Variants in DSG3 observed in about 807,000 individuals in gnomAD.
DSG3 encodes desmoglein-3.
A neutral mutation model predicts 85.9 loss-of-function variants in DSG3; 63 were observed. That is an observed-to-expected ratio of 0.73 (90% CI 0.60 to 0.90). DSG3 has a LOEUF of 0.90. Ranked by LOEUF, DSG3 falls within the 40% of genes least tolerant of loss-of-function variation. DSG3 has a pLI of 0.00. For synonymous variants in DSG3, 447 were observed against 441.9 expected, an observed-to-expected ratio of 1.01 and a Z score of -0.14; for missense variants, 1,220 against 1,219.9, an observed-to-expected ratio of 1.00 and a Z score of 0.00.
chr18:31,458,648 T>A, intron 4 of DSG3, 48 bp downstream of exon 4: 3 of 1,571,438 alleles, frequency 1.9e-6, no homozygotes, highest in Non-Finnish European at 2.6e-6. Flanking sequence ...TTGTATACCA[T>A]CGCTTTAGAA....
At position 31,474,332 on chromosome 18, in the gene DSG3, C is replaced by T; in HGVS notation, c.2313C>T (p.Ser771=). 1 of 1,614,088 alleles carries T rather than the reference C, an allele frequency of 6.2e-7. No homozygotes were observed. The highest frequency in any genetic ancestry group is 8.5e-7 in the Non-Finnish European group (1 of 1,180,042). Residue 771 remains serine (S), a synonymous_variant, in exon 15 of 16, where the codon TCC becomes TCT. Coordinates refer to ENST00000257189, the MANE Select transcript of DSG3 (RefSeq NM_001944.3). ...CTGGAACCATGAGAACAAGGCATTC[C>T]ACTGGAGGAACCAATAAGGACTACG... ...GQSGTMRTRH[S]TGGTNKDYAD...
chr18:31,478,593 A>G lies in DSG3; in HGVS notation c.*2333A>G, dbSNP rs1345336190. 1 of 152,244 alleles carries G rather than the reference A, an allele frequency of 6.6e-6. No individual in the cohort carries two copies. Among genetic ancestry groups the G allele is most frequent in the Non-Finnish European group, 1.5e-5 (1 of 68,040 alleles). 9.4% of individuals were successfully genotyped at this position (152,244 alleles called of 1,614,324 possible). On this transcript the variant is annotated 3_prime_UTR_variant, in exon 16 of 16. Coordinates refer to ENST00000257189, the MANE Select transcript of DSG3 (RefSeq NM_001944.3). ...AAACTTGTTTTAAGCATAAAATTTT[A>G]AAACTGTACTACTTGATGTATTATA...
chr18:31,454,614 C>T (rs1315390134), intron 1 of DSG3, among the ~76,000 whole-genome samples: 1 of 151,326 alleles, frequency 6.6e-6, no homozygotes, highest in Non-Finnish European at 1.5e-5. Context: ...CAACCATAGT[C>T]TTTTGCCAAA....
rs1199260043 is a variant in DSG3 at position 31,456,755 on chromosome 18, A to G, written c.85-238A>G. Among the ~76,000 whole-genome samples, 3 of 152,210 alleles carry G rather than the reference A, an allele frequency of 2.0e-5. No homozygotes were observed. In the East Asian group the frequency reaches 5.8e-4, roughly 29 times the overall value. ...CCCAGTAAGATACTGTGGAGTATAA[A>G]AAGAAAATATAAAATACGACTAAAT... On this transcript the variant is annotated intron_variant, in intron 2 of 15. Coordinates refer to ENST00000257189, the MANE Select transcript of DSG3 (RefSeq NM_001944.3).
At chr18:31,466,077 T>C (rs1278995106) in intron 10 of DSG3, among the ~76,000 whole-genome samples, 1 of 152,216 alleles carries the variant, frequency 6.6e-6, no homozygotes, top group East Asian at 1.9e-4. Flanking sequence ...TTATTTTTTA[T>C]TTTCAGCATT....
chr18:31,454,254 C>T (rs183832720), intron 1 of DSG3, among the ~76,000 whole-genome samples: 200 of 152,292 alleles, frequency 1.3e-3, no homozygotes, highest in Non-Finnish European at 2.1e-3. Flanking sequence ...GGGGAGCCTG[C>T]CTGGCCCATC....
chr18:31,452,588 A>G (rs989580056), intron 1 of DSG3, among the ~76,000 whole-genome samples: 3 of 150,646 alleles, frequency 2.0e-5, no homozygotes, highest in African/African-American at 7.3e-5. Flanking sequence ...AGAATTGGTT[A>G]ACATTTTATT....
intron 12 of DSG3, among the ~76,000 whole-genome samples, chr18:31,469,820 T>A (rs1307431281): frequency 1.3e-5 from 2 of 152,062 alleles, no homozygotes; most frequent in Non-Finnish European, 2.9e-5. Flanking sequence ...TTAATATTAA[T>A]TAATTAATTA....
At chr18:31,448,376 C>T (rs751213234) in intron 1 of DSG3, among the ~76,000 whole-genome samples, 8 of 152,070 alleles carry the variant, frequency 5.3e-5, no homozygotes, top group Non-Finnish European at 1.0e-4. Flanking sequence ...AGTAAAAAAT[C>T]GCAGAATTAA....
At chr18:31,456,555 ATATT>A (rs140490580) in intron 2 of DSG3, 80 bp downstream of exon 2, 10,476 of 719,578 alleles carry the variant, frequency 0.015, 129 homozygotes, top group Middle Eastern at 0.032. Flanking sequence ...GTAGAAATGA[ATATT>A]TAATTTCTAA....
chr18:31,473,987 T>C lies in DSG3; in HGVS notation c.2102-134T>C, dbSNP rs1325501169. ...TAACACATTGTGGGATGTTATCACCTCTAGTCATATAATTGTATTTTCTCC... is the reference window on the plus strand; with the variant it reads ...TAACACATTGTGGGATGTTATCACCCCTAGTCATATAATTGTATTTTCTCC... On this transcript the variant is annotated intron_variant, in intron 14 of 15. Coordinates refer to ENST00000257189, the MANE Select transcript of DSG3 (RefSeq NM_001944.3). 16 of 801,620 alleles carry C rather than the reference T, an allele frequency of 2.0e-5. No individual in the cohort carries two copies. The East Asian group carries it at 4.3e-4, about 21-fold the overall frequency. 49.7% of individuals were successfully genotyped at this position (801,620 alleles called of 1,614,324 possible).
intron 3 of DSG3, among the ~76,000 whole-genome samples, chr18:31,457,547 CTCTTTCTTTCTTTCTT>C (rs757274745): frequency 4.1e-5 from 5 of 122,644 alleles, no homozygotes; most frequent in South Asian, 2.8e-4. Context: ...TTCTTTCTTT[CTCTTTCTTTCTTTCTT>C]TCTTTCTTTC....
chr18:31,470,232 A>G (rs1402348325), intron 12 of DSG3, among the ~76,000 whole-genome samples: 1 of 152,150 alleles, frequency 6.6e-6, no homozygotes, highest in Non-Finnish European at 1.5e-5. Flanking sequence ...ACAGTTTTAG[A>G]GTTAAAATTA....
rs1003934662 is a variant in DSG3 at position 31,474,276 on chromosome 18, A to G, written c.2257A>G (p.Thr753Ala). Residue 753 changes from threonine (T) to alanine (A), a missense_variant, in exon 15 of 16, where the codon ACT (threonine) becomes GCT (alanine). Physicochemically the swap from Thr to Ala is moderately conservative, Grantham distance 58 (BLOSUM62 0). Coordinates refer to ENST00000257189, the MANE Select transcript of DSG3 (RefSeq NM_001944.3). ...SGAASGFGAA[T>A]GVGICSSGQS... ...AGCTGCTTCAGGATTCGGAGCAGCC[A>G]CTGGAGTTGGCATCTGTTCCTCAGG... is the stretch of plus-strand genomic sequence containing the variant. 1.2e-6 allele frequency: 2 copies of G among 1,614,192 alleles called. No homozygotes were observed. Among genetic ancestry groups the G allele is most frequent in the Non-Finnish European group, 1.7e-6 (2 of 1,180,036 alleles).
At chr18:31,457,596 CTTTCT>C (rs2072755950) in intron 3 of DSG3, among the ~76,000 whole-genome samples, 18 of 72,158 alleles carry the variant, frequency 2.5e-4, no homozygotes, top group African/African-American at 8.4e-4. Flanking sequence ...TTCTTTCTTT[CTTTCT>C]TTCTTTCTTT....
chr18:31,460,779 C>A, intron 6 of DSG3, 54 bp from the exon 7 acceptor site: 2 of 1,452,974 alleles, frequency 1.4e-6, no homozygotes, highest in Non-Finnish European at 1.8e-6. Context: ...AAGTAGTTTC[C>A]ATTTATAATT....
rs35777565 is a variant in DSG3, at chr18:31,469,409, A to G, written c.1897+60A>G. The G allele has an allele frequency of 0.11, 176,095 of 1,594,238 alleles. 10,048 individuals carry two copies. The highest frequency in any genetic ancestry group is 0.11 in the Non-Finnish European group (134,628 of 1,170,730). On this transcript the variant is annotated intron_variant, in intron 12 of 15. Coordinates refer to ENST00000257189, the MANE Select transcript of DSG3 (RefSeq NM_001944.3). ...GGTGTCCTCATTTGCAAAGGCCTCC[A>G]TGCTGCCCTGCTCATCTGTGCAATG...
chr18:31,472,886 G>A (rs757527066), intron 14 of DSG3, 98 bp downstream of exon 14: 49 of 1,098,874 alleles, frequency 4.5e-5, no homozygotes, highest in Non-Finnish European at 6.7e-5. Flanking sequence ...ATTTGCATCT[G>A]TGTGCACATG....
chr18:31,467,767 G>C (rs976907659), intron 11 of DSG3, among the ~76,000 whole-genome samples: 1 of 152,146 alleles, frequency 6.6e-6, no homozygotes, highest in Non-Finnish European at 1.5e-5. Context: ...TTCCTTTCAT[G>C]AATGTACATG....
Sources: gnomAD v4.1 joint callset for allele counts (sites outside exome capture counted in the v4.1 genomes callset) on GRCh38, gnomAD v4.1.1 for gene constraint, MANE v1.5 for transcripts, NCBI Gene and HGNC (gene_info 2026-07-23, HGNC 2026-07-21) for gene names.